The following COL4A5 variants were observed in gnomAD, a reference collection of about 807,000 sequenced individuals.
The protein encoded by COL4A5 is collagen type IV alpha 5 chain.
A neutral mutation model predicts 130.2 loss-of-function variants in COL4A5; 26 were observed. That is an observed-to-expected ratio of 0.20 (90% CI 0.15 to 0.28). COL4A5 has a LOEUF of 0.28. Among genes scored for constraint, COL4A5 ranks in the 10% least tolerant of loss-of-function variants. COL4A5 has a pLI of 1.00. For synonymous variants in COL4A5, 496 were observed against 439.6 expected, an observed-to-expected ratio of 1.13 and a Z score of -1.60; for missense variants, 1,131 against 1,344.3, an observed-to-expected ratio of 0.84 and a Z score of 2.48.
In COL4A5 at chrX:108,493,623, T is replaced by C. The variant is rs768636297; in HGVS notation, c.82-46123T>C. Among the ~76,000 whole-genome samples, 6 of 110,793 alleles carry C rather than the reference T, an allele frequency of 5.4e-5. No homozygotes were observed. The East Asian group carries it at 1.4e-3, about 26-fold the overall frequency. On this transcript the variant is annotated intron_variant, in intron 1 of 52. Transcript: ENST00000328300. ...TGCTATTTAACTTCAGTTCTGTTTT[T>C]TCAAAAAAATAATAAATTAATGGAT...
chrX:108,581,158 C>A (rs923247004), intron 16 of COL4A5, 131 bp downstream of exon 16: 2 of 572,295 alleles, frequency 3.5e-6, no homozygotes, highest in East Asian at 3.5e-5. Flanking sequence ...TGAAATTATC[C>A]AGTCTTTGTC....
chrX:108,520,556 T>G (rs1002381831), intron 1 of COL4A5, among the ~76,000 whole-genome samples: 2 of 110,857 alleles, frequency 1.8e-5, no homozygotes, highest in Non-Finnish European at 3.8e-5. Flanking sequence ...TATTTTAATA[T>G]CTTCCTTGGG....
intron 2 of COL4A5, among the ~76,000 whole-genome samples, chrX:108,547,052 G>A (rs1161791138): frequency 2.7e-5 from 3 of 111,591 alleles, no homozygotes; most frequent in Admixed American, 9.5e-5. Flanking sequence ...CATTGGGTTC[G>A]AACTTCCTCC....
At chrX:108,499,771 CT>C (rs771984949) in intron 1 of COL4A5, among the ~76,000 whole-genome samples, 2 of 111,762 alleles carry the variant, frequency 1.8e-5, no homozygotes, top group Admixed American at 9.5e-5. Context: ...ATAACTGTTA[CT>C]TTTTTTCTCA....
At chrX:108,574,400 A>G (rs1250045440) in intron 9 of COL4A5, among the ~76,000 whole-genome samples, 1 of 111,569 alleles carries the variant, frequency 9.0e-6, no homozygotes, top group Non-Finnish European at 1.9e-5. Flanking sequence ...ATACAACAGA[A>G]TACATGCAAA....
intron 1 of COL4A5, among the ~76,000 whole-genome samples, chrX:108,502,687 A>T (rs766789271): frequency 3.8e-4 from 43 of 111,718 alleles, no homozygotes; most frequent in African/African-American, 1.3e-3. Context: ...CACACAATAT[A>T]TGGTTTAATA....
intron 28 of COL4A5, 71 bp from the exon 29 acceptor site, chrX:108,606,671 C>A: frequency 8.9e-7 from 1 of 1,122,923 alleles, no homozygotes; most frequent in South Asian, 1.8e-5. Context: ...GCATTAAATT[C>A]TCTGTGGCAA....
chrX:108,510,113 C>T (rs1474427468), intron 1 of COL4A5, among the ~76,000 whole-genome samples: 5 of 111,254 alleles, frequency 4.5e-5, no homozygotes, highest in African/African-American at 1.6e-4. Flanking sequence ...GATGAGAACT[C>T]ATGAACACAG....
At chrX:108,608,115 A>G (rs977277902) in intron 29 of COL4A5, among the ~76,000 whole-genome samples, 3 of 111,702 alleles carry the variant, frequency 2.7e-5, no homozygotes, top group Non-Finnish European at 5.6e-5. Context: ...ATTAAAGGGT[A>G]AATGCATCTC....
intron 37 of COL4A5, among the ~76,000 whole-genome samples, chrX:108,662,016 G>A (rs1485806580): frequency 9.3e-6 from 1 of 107,429 alleles, no homozygotes; most frequent in African/African-American, 3.4e-5. Flanking sequence ...TTGGTGTGCT[G>A]CACCCATTAA....
At chrX:108,582,043 G>C (rs149811212) in intron 16 of COL4A5, among the ~76,000 whole-genome samples, 1 of 110,755 alleles carries the variant, frequency 9.0e-6, no homozygotes, top group Non-Finnish European at 1.9e-5. Flanking sequence ...TTCAAAGACA[G>C]AGAGAATATT....
At chrX:108,593,984 A>C (rs890523748) in intron 21 of COL4A5, among the ~76,000 whole-genome samples, 1 of 111,955 alleles carries the variant, frequency 8.9e-6, no homozygotes, top group African/African-American at 3.2e-5. Context: ...CTAATTGCCC[A>C]TGACTTCCAA....
At chrX:108,582,842 C>A (rs372825710) in intron 16 of COL4A5, 42 bp from the exon 17 acceptor site, 1 of 1,076,919 alleles carries the variant, frequency 9.3e-7, no homozygotes, top group Non-Finnish European at 1.3e-6. Context: ...TTCCTAACAC[C>A]ATCATTTGTG....
intron 22 of COL4A5, 73 bp from the exon 23 acceptor site, chrX:108,596,925 C>A: frequency 1.9e-6 from 2 of 1,034,615 alleles, no homozygotes; most frequent in South Asian, 2.0e-5. Context: ...TCTGTATGAG[C>A]TTTGTCAGGA....
At chrX:108,482,582 C>T (rs1243017127) in intron 1 of COL4A5, among the ~76,000 whole-genome samples, 1 of 111,571 alleles carries the variant, frequency 9.0e-6, no homozygotes, top group Admixed American at 9.5e-5. Context: ...CCACACATCC[C>T]CATTCCAAGT....
At chrX:108,618,812 A>G (rs1190656719) in intron 30 of COL4A5, among the ~76,000 whole-genome samples, 1 of 109,130 alleles carries the variant, frequency 9.2e-6, no homozygotes, top group Non-Finnish European at 1.9e-5. Flanking sequence ...CTTGAACATC[A>G]GGTGTACCAG....
At chrX:108,473,629 A>ATTTTTTTTTTT (rs2064801352) in intron 1 of COL4A5, among the ~76,000 whole-genome samples, 1 of 38,129 alleles carries the variant, frequency 2.6e-5, no homozygotes, top group African/African-American at 1.1e-4. Flanking sequence ...ATATATATAT[A>ATTTTTTTTTTT]TATATTTTTT....
At chrX:108,467,076 G>A (rs189272858) in intron 1 of COL4A5, among the ~76,000 whole-genome samples, 7 of 110,787 alleles carry the variant, frequency 6.3e-5, no homozygotes, top group East Asian at 2.8e-4. Context: ...TGCTTTTGGC[G>A]TCATATCTAA....
intron 1 of COL4A5, among the ~76,000 whole-genome samples, chrX:108,538,467 A>G (rs16985511): frequency 0.1 from 11,570 of 111,182 alleles, 1,297 homozygotes; most frequent in African/African-American, 0.34. Flanking sequence ...ATAATCAGGA[A>G]AAGAGGTTTC....
Sources: gnomAD v4.1 joint callset for allele counts (sites outside exome capture counted in the v4.1 genomes callset) on GRCh38, gnomAD v4.1.1 for gene constraint, MANE v1.5 for transcripts, NCBI Gene and HGNC (gene_info 2026-07-23, HGNC 2026-07-21) for gene names.